Variants in COL4A1 observed in about 807,000 individuals in gnomAD.
The protein encoded by COL4A1 is collagen type IV alpha 1 chain, also known as collagen alpha-1(IV) chain.
COL4A1 carries 40 observed loss-of-function variants against 216.6 expected under a neutral mutation model. The ratio of observed to expected loss-of-function variants is 0.18; its 90% CI spans 0.14 to 0.24. COL4A1 has a LOEUF of 0.24. Among genes scored for constraint, COL4A1 ranks in the 10% least tolerant of loss-of-function variants. The pLI is 1.00. For synonymous variants in COL4A1, 839 were observed against 810.7 expected (o/e 1.03, Z -0.59); for missense variants, 1,628 against 2,196.8 (o/e 0.74, Z 5.18).
intron 50 of COL4A1, among the ~76,000 whole-genome samples, chr13:110,154,001 A>C (rs906882997): frequency 3.9e-5 from 6 of 152,200 alleles, no homozygotes; most frequent in African/African-American, 1.4e-4. Context: ...GTCCTCACTC[A>C]AACATTAAAA....
intron 1 of COL4A1, chr13:110,265,583 G>C (rs1240368627): frequency 6.6e-6 from 1 of 152,246 alleles, no homozygotes; most frequent in African/African-American, 2.4e-5. Context: ...ACACAGCCCA[G>C]CCAACTGACT....
intron 1 of COL4A1, among the ~76,000 whole-genome samples, chr13:110,296,233 T>C (rs1884270192): frequency 6.6e-6 from 1 of 152,232 alleles, no homozygotes; most frequent in Non-Finnish European, 1.5e-5. Flanking sequence ...CAATTTGCTT[T>C]TGTTCATCTC....
intron 2 of COL4A1, among the ~76,000 whole-genome samples, chr13:110,228,355 A>AC (rs1353303486): frequency 6.6e-6 from 1 of 152,104 alleles, no homozygotes; most frequent in African/African-American, 2.4e-5. Flanking sequence ...AAGGGCACAT[A>AC]CTGAGTAGCT....
rs923885727 is a variant in COL4A1 at position 110,205,680 on chromosome 13, T to A, written c.859-142A>T. ...GAGTTCGAGACCAGCCTGGCCAACA[T>A]GGCGAAATCCCGTCTCCACTAAAAA... On this transcript the variant is annotated intron_variant, in intron 15 of 51. Coordinates refer to ENST00000375820, the MANE Select transcript of COL4A1 (RefSeq NM_001845.6). 5.7e-6 allele frequency: 5 copies of A among 881,934 alleles called. No homozygotes were observed. The African/African-American group carries it at 8.4e-5, about 15-fold the overall frequency. 54.6% of individuals were successfully genotyped at this position (881,934 alleles called of 1,614,324 possible).
At chr13:110,234,509 G>A (rs1271275232) in intron 2 of COL4A1, among the ~76,000 whole-genome samples, 4 of 152,090 alleles carry the variant, frequency 2.6e-5, no homozygotes, top group Non-Finnish European at 5.9e-5. Context: ...TTGAACCCAG[G>A]AGATGGAGGT....
At chr13:110,154,781 T>TGGTCATATGGAGAAGCTGGTCATAC (rs1876695896) in intron 50 of COL4A1, among the ~76,000 whole-genome samples, 1 of 35,268 alleles carries the variant, frequency 2.8e-5, no homozygotes, top group African/African-American at 9.5e-5. Flanking sequence ...GCTGGTCATA[T>TGGTCATATGGAGAAGCTGGTCATAC]AGAGAAGCTG....
chr13:110,164,854 C>G lies in COL4A1; in HGVS notation c.4150+8G>C. ...CCATACCGCCCTGCACAGGCCAAGC[C>G]TTCTCACCTTGCTGGCCTTTCGGGC... On this transcript the variant is annotated splice_region_variant and intron_variant, in intron 46 of 51. Transcript: ENST00000375820. 6.2e-7 allele frequency: 1 copy of G among 1,612,998 alleles called. No individual in the cohort carries two copies. The highest frequency in any genetic ancestry group is 8.5e-7 in the Non-Finnish European group (1 of 1,179,570).
At chr13:110,262,616 T>C (rs937409432) in intron 1 of COL4A1, among the ~76,000 whole-genome samples, 15 of 152,204 alleles carry the variant, frequency 9.9e-5, no homozygotes, top group African/African-American at 3.6e-4. Context: ...CCTGCTACTG[T>C]ACAAGAAGAG....
chr13:110,215,385 CTCTT>C (rs1472399275), intron 2 of COL4A1, among the ~76,000 whole-genome samples: 1 of 152,088 alleles, frequency 6.6e-6, no homozygotes, highest in Admixed American at 6.5e-5. Flanking sequence ...CATGGCAAAA[CTCTT>C]TCTCTACTAA....
In COL4A1 at chr13:110,268,166, A is replaced by G. The variant is rs1184866608; in HGVS notation, c.85-25432T>C. Among the ~76,000 whole-genome samples, 7 of 152,226 alleles carry G rather than the reference A, an allele frequency of 4.6e-5. No homozygotes were observed. The highest frequency in any genetic ancestry group is 1.7e-4 in the African/African-American group (7 of 41,462). ...GCCTCAGTCAACCCCTAGCATATAA[A>G]GACAAGGGGCCAGGTTCAGCAGGGC... On this transcript the variant is annotated intron_variant, in intron 1 of 51. Coordinates refer to ENST00000375820, the MANE Select transcript of COL4A1 (RefSeq NM_001845.6). This position sits in a 1 kb window ranked among gnomAD's most constrained non-coding sequence, Gnocchi z 4.1.
At chr13:110,266,601 C>T (rs931892449) in intron 1 of COL4A1, among the ~76,000 whole-genome samples, 14 of 152,154 alleles carry the variant, frequency 9.2e-5, no homozygotes, top group African/African-American at 3.1e-4. Flanking sequence ...ACACACAGGG[C>T]AGTGCTAGGC....
At chr13:110,228,445 C>T (rs1047075071) in intron 2 of COL4A1, among the ~76,000 whole-genome samples, 3 of 152,328 alleles carry the variant, frequency 2.0e-5, no homozygotes, top group Non-Finnish European at 2.9e-5. Flanking sequence ...ACCCAGCAGG[C>T]GGCTCCTGCG....
Position 110,206,962 on chromosome 13 carries a change from C to G in COL4A1, c.781-71G>C, listed in dbSNP as rs1027715508. 7.7e-6 allele frequency: 11 copies of G among 1,434,884 alleles called. No homozygotes were observed. In the African/African-American group the frequency reaches 1.3e-4, roughly 18 times the overall value. 88.9% of individuals were successfully genotyped at this position (1,434,884 alleles called of 1,614,324 possible). ...CATTTGTTATATGCTGCATTAAACA[C>G]ACAGCAGAAAAAAAAAAAACCTTTT... On this transcript the variant is annotated intron_variant, in intron 13 of 51. Coordinates refer to ENST00000375820, the MANE Select transcript of COL4A1 (RefSeq NM_001845.6).
At position 110,187,217 on chromosome 13, in the gene COL4A1, C is replaced by A; in HGVS notation, c.1649G>T (p.Gly550Val). The A allele has an allele frequency of 6.2e-7, 1 of 1,613,960 alleles. No homozygotes were observed. The part of the protein sequence containing the change: ...KGDKGDPGFP[G>V]QPGMPGRAGS... ...CGCTCTCCCTGGCATGCCGGGCTGT[C>A]CTGGAAAGCCTGGGTCTCCTTTGTC... is the stretch of plus-strand genomic sequence containing the variant. The change falls in exon 25 of 52, where the codon GGA becomes GTA. Residue 550 changes from glycine (G) to valine (V), a missense_variant. Gly to Val is a moderately radical substitution (Grantham distance 109). Around this residue, in one of 8 missense-constraint regions of COL4A1, gnomAD observed 701 missense variants for 892.5 expected, o/e 0.79. Transcript: ENST00000375820.
chr13:110,253,081 A>T (rs11069834), intron 1 of COL4A1, among the ~76,000 whole-genome samples: 1,894 of 29,170 alleles, frequency 0.065, 410 homozygotes, highest in East Asian at 0.11. Flanking sequence ...TATAACTATA[A>T]GTACGTATGT....
At chr13:110,172,649 A>G in intron 41 of COL4A1, 71 bp downstream of exon 41, 2 of 1,440,476 alleles carry the variant, frequency 1.4e-6, no homozygotes, top group Non-Finnish European at 2.0e-6. Context: ...TCCTGAAGAC[A>G]CTGCCCCTTG....
intron 1 of COL4A1, among the ~76,000 whole-genome samples, chr13:110,251,028 T>C (rs1313779305): frequency 2.0e-5 from 3 of 152,228 alleles, no homozygotes; most frequent in Non-Finnish European, 4.4e-5. Flanking sequence ...CCTTTGTAAC[T>C]TTCATCTTTA....
At chr13:110,236,101 T>G (rs1473300958) in intron 2 of COL4A1, among the ~76,000 whole-genome samples, 1 of 152,222 alleles carries the variant, frequency 6.6e-6, no homozygotes, top group Non-Finnish European at 1.5e-5. Context: ...TCTAAGGCAC[T>G]TTGACAATTG....
At chr13:110,212,724 G>C in intron 4 of COL4A1, 106 bp from the exon 5 acceptor site, 1 of 1,324,768 alleles carries the variant, frequency 7.5e-7, no homozygotes, top group Non-Finnish European at 1.1e-6. Context: ...TTTGGTGTCA[G>C]AACACACACA....
Sources: gnomAD v4.1 joint callset for allele counts (sites outside exome capture counted in the v4.1 genomes callset) on GRCh38, gnomAD v4.1.1 for gene constraint, gnomAD v4.1.1 regional missense constraint, Gnocchi (gnomAD v3.1) non-coding constraint, MANE v1.5 for transcripts, NCBI Gene and HGNC (gene_info 2026-07-23, HGNC 2026-07-21) for gene names.